NTM: variants seen among roughly 807,000 people sequenced by gnomAD.
NTM encodes IgLON family member 2.
In NTM, 13 loss-of-function variants were observed where a neutral mutation model predicts 42.1. The ratio of observed to expected loss-of-function variants is 0.31; its 90% confidence interval spans 0.20 to 0.49. The LOEUF (loss-of-function observed/expected upper bound fraction) is 0.49, where lower values mean the gene tolerates loss of function less well. Ranked by LOEUF, NTM falls within the 20% of genes least tolerant of loss-of-function variation. The pLI is 0.99. For synonymous variants in NTM, 187 were observed against 179.2 expected (o/e 1.04, Z -0.35); for missense variants, 373 against 452.8 (o/e 0.82, Z 1.60).
intron 1 of NTM, among the ~76,000 whole-genome samples, chr11:131,712,051 G>C (rs1028474993): frequency 6.7e-6 from 1 of 150,082 alleles, no homozygotes; most frequent in Non-Finnish European, 1.5e-5. Flanking sequence ...GTTAACGGGT[G>C]CAGCACACCA....
At chr11:132,187,693 G>A (rs1034734840) in intron 3 of NTM, among the ~76,000 whole-genome samples, 1 of 152,158 alleles carries the variant, frequency 6.6e-6, no homozygotes, top group African/African-American at 2.4e-5. Flanking sequence ...GCATCTCTGG[G>A]CTTTGGGGAG....
At chr11:131,691,663 C>A (rs983432884) in intron 1 of NTM, among the ~76,000 whole-genome samples, 2 of 152,174 alleles carry the variant, frequency 1.3e-5, no homozygotes, top group African/African-American at 4.8e-5. Flanking sequence ...AAGATGGCAA[C>A]CCCAGGGCGC....
chr11:131,825,559 A>T (rs536272872), intron 1 of NTM, among the ~76,000 whole-genome samples: 8 of 152,224 alleles, frequency 5.3e-5, no homozygotes, highest in Middle Eastern at 3.4e-3. Flanking sequence ...CATTTCACAA[A>T]AGTGTCCCAA....
intron 1 of NTM, among the ~76,000 whole-genome samples, chr11:131,523,356 T>G (rs1038802546): frequency 2.0e-5 from 3 of 152,112 alleles, no homozygotes; most frequent in Admixed American, 2.0e-4. Context: ...GATTTTATGA[T>G]TCAAAAATAA....
chr11:131,758,488 C>A (rs1373492312), intron 1 of NTM, among the ~76,000 whole-genome samples: 2 of 152,086 alleles, frequency 1.3e-5, no homozygotes, highest in Non-Finnish European at 2.9e-5. Flanking sequence ...ATAACTGTCC[C>A]CAAACTTACC....
At chr11:132,206,052 C>T (rs1201507560) in intron 3 of NTM, among the ~76,000 whole-genome samples, 3 of 152,186 alleles carry the variant, frequency 2.0e-5, no homozygotes, top group African/African-American at 4.8e-5. Flanking sequence ...TTTTCCTGGG[C>T]ATGGCTCTCC....
intron 1 of NTM, among the ~76,000 whole-genome samples, chr11:131,505,144 A>G (rs1565575541): frequency 6.6e-6 from 1 of 152,008 alleles, no homozygotes; most frequent in Non-Finnish European, 1.5e-5. Context: ...AATAGGGGTA[A>G]TATTACCTGT....
At chr11:131,793,067 G>A (rs535687041) in intron 1 of NTM, among the ~76,000 whole-genome samples, 4 of 152,292 alleles carry the variant, frequency 2.6e-5, no homozygotes, top group African/African-American at 4.8e-5. Flanking sequence ...AGCGAGAATC[G>A]CCAACGTACT....
chr11:131,599,341 C>G lies in NTM; in HGVS notation c.82+228453C>G, dbSNP rs112194596. 3.5e-3 allele frequency among the ~76,000 whole-genome samples: 518 copies of G among 149,600 alleles called. 1 individual carries two copies. Among genetic ancestry groups the G allele is most frequent in the African/African-American group, 0.013 (490 of 39,054 alleles). ...ACCCAGTCTCCGGCAGATGCCCTGT[C>G]TACCCAGTCTCCGGCAGATGCCCTG... On this transcript the variant is annotated intron_variant, in intron 1 of 8. Transcript: ENST00000683400.
intron 1 of NTM, among the ~76,000 whole-genome samples, chr11:131,778,605 A>G (rs142760222): frequency 1.2e-4 from 18 of 152,324 alleles, no homozygotes; most frequent in Admixed American, 3.9e-4. Context: ...TTCATTTATA[A>G]AATGAAGAAT....
At chr11:131,980,619 T>G (rs2065078614) in intron 2 of NTM, among the ~76,000 whole-genome samples, 1 of 152,032 alleles carries the variant, frequency 6.6e-6, no homozygotes, top group Non-Finnish European at 1.5e-5. Flanking sequence ...CAAGTGAGAG[T>G]CTACCCCACT....
At chr11:131,578,525 G>A (rs1432525088) in intron 1 of NTM, among the ~76,000 whole-genome samples, 1 of 152,094 alleles carries the variant, frequency 6.6e-6, no homozygotes, top group Non-Finnish European at 1.5e-5. Flanking sequence ...AGACAGGGGA[G>A]CTACATACAT....
At chr11:131,796,679 G>C (rs1456600867) in intron 1 of NTM, among the ~76,000 whole-genome samples, 6 of 152,212 alleles carry the variant, frequency 3.9e-5, no homozygotes, top group Admixed American at 3.3e-4. Context: ...AGAGACACAG[G>C]AGCTTATCAA....
At chr11:131,407,599 G>T (rs1473883372) in intron 1 of NTM, among the ~76,000 whole-genome samples, 2 of 152,178 alleles carry the variant, frequency 1.3e-5, no homozygotes, top group African/African-American at 4.8e-5. Flanking sequence ...GGGACAAAAG[G>T]CTTCCAGCAC....
At chr11:132,054,460 G>A (rs548999556) in intron 2 of NTM, among the ~76,000 whole-genome samples, 1 of 152,328 alleles carries the variant, frequency 6.6e-6, no homozygotes, top group Admixed American at 6.5e-5. Context: ...GTCCTATTCA[G>A]TGAAAATAGC....
chr11:131,787,751 T>C (rs1417379763), intron 1 of NTM, among the ~76,000 whole-genome samples: 4 of 152,196 alleles, frequency 2.6e-5, no homozygotes, highest in South Asian at 4.1e-4. Flanking sequence ...TTAAATATTA[T>C]AGGAATTTAA....
chr11:131,894,511 C>T lies in NTM; in HGVS notation c.83-17053C>T, dbSNP rs768661841. The stretch of plus-strand genomic sequence containing the variant: ...GCTTGGGGCCTGACAGACATGGAGG[C>T]AGTTCTATTGAAACCCCAGGCAAAG... On this transcript the variant is annotated intron_variant, in intron 1 of 8. Coordinates refer to ENST00000683400, the MANE Select transcript of NTM (RefSeq NM_001352005.2). Among the ~76,000 whole-genome samples the T allele has an allele frequency of 2.6e-4, 39 of 152,156 alleles. 2 individuals are homozygous for T. The highest frequency in any genetic ancestry group is 6.2e-4 in the South Asian group (3 of 4,824).
chr11:132,012,676 A>T (rs1593709286), intron 2 of NTM, among the ~76,000 whole-genome samples: 1 of 152,308 alleles, frequency 6.6e-6, no homozygotes, highest in East Asian at 1.9e-4. Context: ...TCTCTTGATT[A>T]ATTTAATGGC....
At chr11:132,149,378 A>G (rs560855644) in intron 3 of NTM, among the ~76,000 whole-genome samples, 8 of 152,290 alleles carry the variant, frequency 5.3e-5, no homozygotes, top group African/African-American at 1.7e-4. Flanking sequence ...AGTTGGGCAT[A>G]TTAGGTTTTC....
Sources: allele counts gnomAD v4.1 joint callset (sites outside exome capture counted in the v4.1 genomes callset), GRCh38; gene constraint gnomAD v4.1.1; transcripts MANE v1.5; gene names NCBI Gene and HGNC (gene_info 2026-07-23, HGNC 2026-07-21).